CFAP77: variants seen among roughly 807,000 people sequenced by gnomAD.
CFAP77 encodes cilia- and flagella-associated protein 77.
In CFAP77, 25 loss-of-function variants were observed where a neutral mutation model predicts 31.1. The ratio of observed to expected loss-of-function variants is 0.80; its 90% CI spans 0.59 to 1.12. The LOEUF (loss-of-function observed/expected upper bound fraction) is 1.12, where lower values mean the gene tolerates loss of function less well. Ranked by LOEUF, CFAP77 falls within the 50% of genes most tolerant of loss-of-function variation. The pLI, the probability that CFAP77 is intolerant of heterozygous loss-of-function variation, is 0.00. For missense variants in CFAP77, 377 were observed against 397.3 expected (o/e 0.95, Z 0.44); for synonymous variants, 151 against 159.9 (o/e 0.94, Z 0.42).
At chr9:132,458,976 T>C (rs1850979035) in intron 1 of CFAP77, among the ~76,000 whole-genome samples, 1 of 152,022 alleles carries the variant, frequency 6.6e-6, no homozygotes, top group South Asian at 2.1e-4. Context: ...GACCAGATCG[T>C]GGGAGAAAAT....
At chr9:132,563,214 T>G (rs1708166601) in intron 5 of CFAP77, among the ~76,000 whole-genome samples, 1 of 151,888 alleles carries the variant, frequency 6.6e-6, no homozygotes, top group Admixed American at 6.6e-5. Flanking sequence ...GGGGTCTTGC[T>G]ATGTTGTCCA....
At chr9:132,563,851 G>A (rs1376431444) in intron 5 of CFAP77, among the ~76,000 whole-genome samples, 18 of 152,144 alleles carry the variant, frequency 1.2e-4, no homozygotes, top group South Asian at 2.1e-4. Context: ...CTGATGATGC[G>A]CTGGGTTGAG....
chr9:132,475,990 T>A (rs1851341425), intron 1 of CFAP77, among the ~76,000 whole-genome samples: 1 of 152,252 alleles, frequency 6.6e-6, no homozygotes. Flanking sequence ...GCTGCCTGCA[T>A]TTCTGTCCAG....
intron 5 of CFAP77, among the ~76,000 whole-genome samples, chr9:132,561,648 CACA>C: frequency 9.4e-6 from 1 of 106,088 alleles, no homozygotes; most frequent in South Asian, 2.7e-4. Context: ...CACACACACA[CACA>C]CACACACACA....
At chr9:132,440,840 C>T (rs888529899) in intron 1 of CFAP77, among the ~76,000 whole-genome samples, 11 of 152,224 alleles carry the variant, frequency 7.2e-5, no homozygotes, top group Admixed American at 2.0e-4. Flanking sequence ...CTGGGTCGGA[C>T]GCTGCAAGCT....
chr9:132,521,435 C>G (rs1359475728), intron 3 of CFAP77, among the ~76,000 whole-genome samples: 2 of 152,172 alleles, frequency 1.3e-5, no homozygotes, highest in African/African-American at 4.8e-5. Context: ...CGGTCCAGGC[C>G]TGGAGATTTG....
intron 1 of CFAP77, among the ~76,000 whole-genome samples, chr9:132,413,771 G>A (rs552606627): frequency 2.0e-5 from 3 of 152,304 alleles, no homozygotes; most frequent in Admixed American, 6.5e-5. Flanking sequence ...GCCTATGTAC[G>A]GGGGTGGAAT....
intron 5 of CFAP77, among the ~76,000 whole-genome samples, chr9:132,546,511 C>T (rs1038997904): frequency 6.6e-6 from 1 of 152,168 alleles, no homozygotes; most frequent in African/African-American, 2.4e-5. Flanking sequence ...AATAATTAAA[C>T]ACCTTTCACA....
At chr9:132,444,491 C>A (rs1352414439) in intron 1 of CFAP77, among the ~76,000 whole-genome samples, 1 of 152,162 alleles carries the variant, frequency 6.6e-6, no homozygotes, top group Non-Finnish European at 1.5e-5. Context: ...GTCCTCTTGG[C>A]TCATGGCCCG....
At chr9:132,443,249 T>G (rs1327638682) in intron 1 of CFAP77, among the ~76,000 whole-genome samples, 1 of 151,988 alleles carries the variant, frequency 6.6e-6, no homozygotes, top group African/African-American at 2.4e-5. Context: ...TTTTTTTGTT[T>G]TATTTTTGTT....
intron 5 of CFAP77, among the ~76,000 whole-genome samples, chr9:132,546,544 C>T (rs975455124): frequency 5.9e-5 from 9 of 152,372 alleles, no homozygotes; most frequent in South Asian, 4.1e-4. Flanking sequence ...AGGCAGGGCG[C>T]GGCTGCTGCA....
intron 1 of CFAP77, among the ~76,000 whole-genome samples, chr9:132,425,294 C>G (rs774488200): frequency 2.6e-5 from 4 of 152,124 alleles, no homozygotes; most frequent in Non-Finnish European, 5.9e-5. Flanking sequence ...CCGAAATAGG[C>G]TCTGTGAGCA....
rs1405843456 is a variant in CFAP77 at position 132,495,646 on chromosome 9, A to G, written c.196-3049A>G. On this transcript the variant is annotated intron_variant, in intron 1 of 5. Transcript: ENST00000393216. This position sits in a 1 kb window ranked among gnomAD's most constrained non-coding sequence, Gnocchi z 4.2. ...AAAAATGATCAACTGTTGTGTAAAG[A>G]AGAGCCAATGGTCTCAAAGTAGGCT... is the stretch of plus-strand genomic sequence containing the variant. Among the ~76,000 whole-genome samples, 3 of 152,218 alleles carry G rather than the reference A, an allele frequency of 2.0e-5. No homozygotes were observed. The highest frequency in any genetic ancestry group is 7.2e-5 in the African/African-American group (3 of 41,454).
intron 1 of CFAP77, among the ~76,000 whole-genome samples, chr9:132,447,210 C>T (rs1406201107): frequency 6.6e-6 from 1 of 152,166 alleles, no homozygotes; most frequent in Non-Finnish European, 1.5e-5. Context: ...TTTATGTTTT[C>T]CCCCCTTAAA....
intron 3 of CFAP77, among the ~76,000 whole-genome samples, chr9:132,535,308 A>C (rs1487558663): frequency 6.6e-6 from 1 of 152,222 alleles, no homozygotes; most frequent in Non-Finnish European, 1.5e-5. Context: ...GTTTCAAACT[A>C]ACAATATCAA....
intron 1 of CFAP77, among the ~76,000 whole-genome samples, chr9:132,470,022 A>G (rs1489299497): frequency 2.6e-5 from 4 of 151,992 alleles, no homozygotes; most frequent in African/African-American, 4.8e-5. Flanking sequence ...TGTTTTTAGT[A>G]GAGACGGGGT....
At chr9:132,509,436 T>C (rs1851993837) in intron 3 of CFAP77, among the ~76,000 whole-genome samples, 1 of 152,160 alleles carries the variant, frequency 6.6e-6, no homozygotes, top group African/African-American at 2.4e-5. Context: ...CCTGCTTCCA[T>C]GGACCTGGAT....
chr9:132,553,743 C>T lies in CFAP77; in HGVS notation c.732+10696C>T, dbSNP rs1158323882. 2.0e-5 allele frequency among the ~76,000 whole-genome samples: 3 copies of T among 152,370 alleles called. 1 individual carries two copies. The South Asian group carries it at 6.2e-4, about 32-fold the overall frequency. On this transcript the variant is annotated intron_variant, in intron 5 of 5. Coordinates refer to ENST00000393216, the MANE Select transcript of CFAP77 (RefSeq NM_001282957.2). Reference sequence around the variant, plus strand: ...CAACAACAGTGGACGGCCTAGGCTCCACGGTCTCCACCAGTCCATGCTGCA... The same window carrying T: ...CAACAACAGTGGACGGCCTAGGCTCTACGGTCTCCACCAGTCCATGCTGCA...
chr9:132,484,350 T>C (rs1851501428), intron 1 of CFAP77, among the ~76,000 whole-genome samples: 1 of 152,202 alleles, frequency 6.6e-6, no homozygotes, highest in South Asian at 2.1e-4. Flanking sequence ...CACCCCTCTC[T>C]AATTCCAAGA....
Sources: gnomAD v4.1 joint callset for allele counts (sites outside exome capture counted in the v4.1 genomes callset) on GRCh38, gnomAD v4.1.1 for gene constraint, Gnocchi (gnomAD v3.1) non-coding constraint, MANE v1.5 for transcripts, NCBI Gene and HGNC (gene_info 2026-07-23, HGNC 2026-07-21) for gene names.